Variants in KLHL42 observed in about 807,000 individuals in gnomAD.
KLHL42 encodes kelch like family member 42.
A neutral mutation model predicts 32.7 loss-of-function variants in KLHL42; 27 were observed. The ratio of observed to expected loss-of-function variants is 0.83; its 90% CI spans 0.61 to 1.14. The LOEUF (loss-of-function observed/expected upper bound fraction) is 1.14, where lower values mean the gene tolerates loss of function less well. Among genes scored for constraint, KLHL42 ranks in the 50% most tolerant of loss-of-function variants. KLHL42 has a pLI of 0.00. For missense variants in KLHL42, 491 were observed against 560.8 expected (o/e 0.88, Z 1.26); for synonymous variants, 267 against 248.2 (o/e 1.08, Z -0.71).
Position 27,780,820 on chromosome 12 carries a change from CCCCAGTT to C in KLHL42, c.493_499del (p.Gln165ThrfsTer15). On this transcript the variant is annotated frameshift_variant, in exon 1 of 3. Coordinates refer to ENST00000381271, the MANE Select transcript of KLHL42 (RefSeq NM_020782.2). LOFTEE classifies it high-confidence loss of function. The surrounding 1 kb of genome is among the most constrained non-coding windows in gnomAD (Gnocchi z 8.8). ...CCACTTCCACGAGGTGCTGTGCAAG[CCCCAGTT>C]CCACCTCCTGGGGTCTCCTCCCCAA... 6.2e-7 allele frequency: 1 copy of C among 1,613,844 alleles called. No homozygotes were observed.
At position 27,780,792 on chromosome 12, in the gene KLHL42, C is replaced by G. The variant is rs770360019; in HGVS notation, c.462C>G (p.Val154=). 8.7e-6 allele frequency: 14 copies of G among 1,613,706 alleles called. No homozygotes were observed. The South Asian group carries it at 1.3e-4, about 15-fold the overall frequency. ...DLQEACLRFM[V]VHFHEVLCKP... ...AGGAGGCCTGCCTGCGCTTCATGGT[C>G]GTCCACTTCCACGAGGTGCTGTGCA... Residue 154 remains valine, a synonymous_variant, in exon 1 of 3, where the codon GTC becomes GTG. Transcript: ENST00000381271. This position sits in a 1 kb window ranked among gnomAD's most constrained non-coding sequence, Gnocchi z 8.8.
At chr12:27,792,074 A>G (rs895712539) in intron 2 of KLHL42, 173 bp downstream of exon 2, 7 of 520,408 alleles carry the variant, frequency 1.3e-5, no homozygotes, top group Admixed American at 3.3e-5. Flanking sequence ...GATGATTGGG[A>G]CAGGAGGGAT....
chr12:27,788,950 AATTTATACCTTTACCATTCAGG>A (rs1356556901), intron 1 of KLHL42, among the ~76,000 whole-genome samples: 1 of 152,222 alleles, frequency 6.6e-6, no homozygotes, highest in Non-Finnish European at 1.5e-5. Context: ...TGATAGCTTG[AATTTATACCTTTACCATTCAGG>A]AGGTGAAGAG....
chr12:27,790,041 C>T (rs1463619727), intron 1 of KLHL42, among the ~76,000 whole-genome samples: 2 of 152,180 alleles, frequency 1.3e-5, no homozygotes, highest in African/African-American at 4.8e-5. Context: ...CAAGCATGGG[C>T]TTCTTGTTTA....
rs746505045 is a variant in KLHL42 at position 27,798,944 on chromosome 12, G to C, written c.*778G>C. 3 of 152,312 alleles carry C rather than the reference G, an allele frequency of 2.0e-5. No individual in the cohort carries two copies. Among genetic ancestry groups the C allele is most frequent in the Non-Finnish European group, 4.4e-5 (3 of 67,988 alleles). The allele number at this position is 152,312 out of a possible 1,614,324, so 9.4% of individuals were successfully genotyped here. On this transcript the variant is annotated 3_prime_UTR_variant, in exon 3 of 3. Transcript: ENST00000381271. ...TGTTTTAAAGAGGATATATTATTTA[G>C]AAAAATGGACATATGAATATTATTA...
intron 2 of KLHL42, 140 bp from the exon 3 acceptor site, chr12:27,797,575 G>A: frequency 1.5e-6 from 1 of 652,630 alleles, no homozygotes; most frequent in African/African-American, 1.8e-5. Context: ...TTTGAAAACT[G>A]TTTTTCTAAC....
At position 27,780,517 on chromosome 12, in the gene KLHL42, C is replaced by T. The variant is rs2062141549; in HGVS notation, c.187C>T (p.Arg63Trp). The change falls in exon 1 of 3, where the codon CGG (arginine) becomes TGG (tryptophan). Residue 63 changes from arginine (R) to tryptophan (W), a missense_variant. Physicochemically the swap from Arg to Trp is moderately radical, Grantham distance 101 (BLOSUM62 -3). Around this residue, in one of 4 missense-constraint regions of KLHL42, gnomAD observed 3 missense variants for 16.6 expected, o/e 0.18. Transcript: ENST00000381271. This position sits in a 1 kb window ranked among gnomAD's most constrained non-coding sequence, Gnocchi z 8.8. ...QLRGLSAPGL[R>W]LVLDFINAGG... Reference sequence around the variant, plus strand: ...GCGCGGCCTCAGCGCGCCGGGCCTGCGGCTGGTGCTGGACTTCATCAACGC... The same window carrying T: ...GCGCGGCCTCAGCGCGCCGGGCCTGTGGCTGGTGCTGGACTTCATCAACGC... 3.2e-6 allele frequency: 5 copies of T among 1,540,350 alleles called. No individual in the cohort carries two copies. The highest frequency in any genetic ancestry group is 2.0e-5 in the Admixed American group (1 of 49,494).
chr12:27,796,821 G>T (rs1312577714), intron 2 of KLHL42, among the ~76,000 whole-genome samples: 1 of 151,862 alleles, frequency 6.6e-6, no homozygotes, highest in Admixed American at 6.6e-5. Context: ...TTTTTTTAGA[G>T]ACAGGAGGTC....
At position 27,797,993 on chromosome 12, in the gene KLHL42, G is replaced by A. The variant is rs374664683; in HGVS notation, c.1345G>A (p.Asp449Asn). Residue 449 changes from aspartate (D) to asparagine (N), a missense_variant, in exon 3 of 3, where the codon GAC becomes AAC. Physicochemically the swap from Asp to Asn is conservative, Grantham distance 23. Coordinates refer to ENST00000381271, the MANE Select transcript of KLHL42 (RefSeq NM_020782.2). ...GLNLTCALHN[D>N]GIYIMSRDVT... ...TAACTTGACTTGTGCGCTCCATAACGACGGCATCTACATCATGAGCAGAGA... is the reference window on the plus strand; with the variant it reads ...TAACTTGACTTGTGCGCTCCATAACAACGGCATCTACATCATGAGCAGAGA... The A allele has an allele frequency of 1.3e-5, 10 of 780,854 alleles. No individual in the cohort carries two copies. The highest frequency in any genetic ancestry group is 5.1e-5 in the African/African-American group (3 of 59,092). 48.4% of individuals were successfully genotyped at this position (780,854 alleles called of 1,614,324 possible). A position where few individuals can be genotyped will look rare whatever the true frequency, so the allele number is the denominator to read the frequency against.
At position 27,801,562 on chromosome 12, in the gene KLHL42, G is replaced by A. The variant is rs2062247637; in HGVS notation, c.*3396G>A. Reference sequence around the variant, plus strand: ...GTTGGATGCCTTTTTCCTAGACCAGGAATGGGGAATATATAACACCTGTGC... The same window carrying A: ...GTTGGATGCCTTTTTCCTAGACCAGAAATGGGGAATATATAACACCTGTGC... On this transcript the variant is annotated 3_prime_UTR_variant, in exon 3 of 3. Coordinates refer to ENST00000381271, the MANE Select transcript of KLHL42 (RefSeq NM_020782.2). The A allele has an allele frequency of 6.6e-6, 1 of 152,192 alleles. No homozygotes were observed. The highest frequency in any genetic ancestry group is 6.5e-5 in the Admixed American group (1 of 15,280). 9.4% of individuals were successfully genotyped at this position (152,192 alleles called of 1,614,324 possible). A position where few individuals can be genotyped will look rare whatever the true frequency, so the allele number is the denominator to read the frequency against.
rs756540876 is a variant in KLHL42, at chr12:27,780,439, G to A, written c.109G>A (p.Gly37Ser). The change falls in exon 1 of 3, where the codon GGC becomes AGC. Residue 37 changes from glycine (G) to serine (S), a missense_variant. By Grantham distance (56) the Gly-to-Ser change is moderately conservative (BLOSUM62 0). This residue lies in a region of KLHL42 where 88 missense variants were observed against 89.0 expected (regional missense o/e 0.99). Coordinates refer to ENST00000381271, the MANE Select transcript of KLHL42 (RefSeq NM_020782.2). The surrounding 1 kb of genome is among the most constrained non-coding windows in gnomAD (Gnocchi z 8.8). ...SDYFRALYRS[G>S]MREALSQEAG... ...CTACTTCCGCGCCCTCTACCGCTCC[G>A]GCATGCGCGAGGCCCTGAGCCAGGA... 6.5e-7 allele frequency: 1 copy of A among 1,549,746 alleles called. No individual in the cohort carries two copies. Among genetic ancestry groups the A allele is most frequent in the South Asian group, 1.2e-5 (1 of 84,078 alleles).
intron 1 of KLHL42, chr12:27,787,885 G>A (rs879471516): frequency 8.5e-5 from 13 of 152,276 alleles, no homozygotes; most frequent in African/African-American, 1.2e-4. Context: ...AAAACTGTAC[G>A]TCTATTCACA....
At chr12:27,788,499 C>G (rs1229691585) in intron 1 of KLHL42, among the ~76,000 whole-genome samples, 1 of 152,150 alleles carries the variant, frequency 6.6e-6, no homozygotes, top group African/African-American at 2.4e-5. Flanking sequence ...TCCTTGAGAT[C>G]TGCGTGCTGG....
intron 1 of KLHL42, among the ~76,000 whole-genome samples, chr12:27,789,292 C>CT (rs2140817393): frequency 6.6e-6 from 1 of 152,290 alleles, no homozygotes; most frequent in South Asian, 2.1e-4. Context: ...AGTAATTTGT[C>CT]TAAGGTCAGA....
chr12:27,780,287 G>C lies in KLHL42; in HGVS notation c.-44G>C, dbSNP rs746184506. The C allele has an allele frequency of 5.4e-5, 81 of 1,499,828 alleles. No homozygotes were observed. Among genetic ancestry groups the C allele is most frequent in the Non-Finnish European group, 7.1e-5 (80 of 1,126,776 alleles). 92.9% of individuals were successfully genotyped at this position (1,499,828 alleles called of 1,614,324 possible). ...CGCGCGTAGGGGCTGGGAGGCCGGC[G>C]CGCAGATCTGGCGGTGAGCGCTGCC... On this transcript the variant is annotated 5_prime_UTR_variant, in exon 1 of 3. Coordinates refer to ENST00000381271, the MANE Select transcript of KLHL42 (RefSeq NM_020782.2). This position sits in a 1 kb window ranked among gnomAD's most constrained non-coding sequence, Gnocchi z 8.8.
intron 1 of KLHL42, among the ~76,000 whole-genome samples, chr12:27,783,057 CA>C (rs1431417188): frequency 6.6e-6 from 1 of 152,148 alleles, no homozygotes; most frequent in East Asian, 1.9e-4. Flanking sequence ...TTGACTCTCC[CA>C]AAAACTTAAC....
intron 1 of KLHL42, among the ~76,000 whole-genome samples, chr12:27,788,503 G>A (rs141258504): frequency 1.8e-4 from 28 of 152,236 alleles, no homozygotes; most frequent in African/African-American, 5.3e-4. Context: ...TGAGATCTGC[G>A]TGCTGGTGTT....
In KLHL42 at chr12:27,792,051, TC is replaced by T. The variant is rs1451103171; in HGVS notation, c.1066+152del. 10 of 619,956 alleles carry T rather than the reference TC, an allele frequency of 1.6e-5. No individual in the cohort carries two copies. The East Asian group carries it at 2.8e-4, about 17-fold the overall frequency. 38.4% of individuals were successfully genotyped at this position (619,956 alleles called of 1,614,324 possible). On this transcript the variant is annotated intron_variant, in intron 2 of 2. Coordinates refer to ENST00000381271, the MANE Select transcript of KLHL42 (RefSeq NM_020782.2). Reference sequence around the variant, plus strand: ...CTTACACATCTGGAAGGAAGAGAGTTCCATATGGCAGGGATGATTGGGACAG... The same window carrying T: ...CTTACACATCTGGAAGGAAGAGAGTTCATATGGCAGGGATGATTGGGACAG...
Position 27,780,516 on chromosome 12 carries a change from G to T in KLHL42, c.186G>T (p.Leu62=), listed in dbSNP as rs1006689036. 3 of 1,540,572 alleles carry T rather than the reference G, an allele frequency of 1.9e-6. No homozygotes were observed. The highest frequency in any genetic ancestry group is 2.1e-4 in the Middle Eastern group (1 of 4,774). ...TGCGCGGCCTCAGCGCGCCGGGCCT[G>T]CGGCTGGTGCTGGACTTCATCAACG... is the stretch of plus-strand genomic sequence containing the variant. ...QQLRGLSAPG[L]RLVLDFINAG... is the part of the protein sequence containing the mutation. Residue 62 remains leucine (L), a synonymous_variant, in exon 1 of 3, where the codon CTG becomes CTT. Transcript: ENST00000381271. The surrounding 1 kb of genome is among the most constrained non-coding windows in gnomAD (Gnocchi z 8.8).
Sources: gnomAD v4.1 joint callset for allele counts (sites outside exome capture counted in the v4.1 genomes callset) on GRCh38, gnomAD v4.1.1 for gene constraint, gnomAD v4.1.1 regional missense constraint, Gnocchi (gnomAD v3.1) non-coding constraint, MANE v1.5 for transcripts, NCBI Gene and HGNC (gene_info 2026-07-23, HGNC 2026-07-21) for gene names.